Variants in MYLK4 observed in about 807,000 individuals in gnomAD.
MYLK4 encodes the protein caMLCK like.
Under a neutral mutation model 48.1 loss-of-function variants are expected in MYLK4, and 46 were observed. The ratio of observed to expected loss-of-function variants is 0.96; its 90% CI spans 0.75 to 1.22. The LOEUF is 1.22. MYLK4 is among the 50% of genes most tolerant of loss of function. The pLI is 0.00. For synonymous variants in MYLK4, 170 were observed against 180.8 expected (o/e 0.94, Z 0.48); for missense variants, 451 against 486.1 (o/e 0.93, Z 0.68).
chr6:2,684,792 G>A (rs1185256600), intron 6 of MYLK4, among the ~76,000 whole-genome samples: 1 of 152,190 alleles, frequency 6.6e-6, no homozygotes, highest in African/African-American at 2.4e-5. Flanking sequence ...AGGAACTTGA[G>A]TGTCCTCCGG....
intron 2 of MYLK4, among the ~76,000 whole-genome samples, chr6:2,701,562 C>T (rs1320094427): frequency 6.6e-6 from 1 of 152,196 alleles, no homozygotes; most frequent in Admixed American, 6.5e-5. Flanking sequence ...TGAAAAGCTA[C>T]CTCTGAAAAG....
intron 3 of MYLK4, among the ~76,000 whole-genome samples, chr6:2,690,205 GC>G (rs1392623500): frequency 6.6e-6 from 1 of 152,160 alleles, no homozygotes; most frequent in African/African-American, 2.4e-5. Context: ...CCCTGAGTCG[GC>G]CCCGGGAGCT....
At chr6:2,763,407 C>T in the MYLK4 span, among the ~76,000 whole-genome samples, 687 of 152,328 alleles carry the variant, frequency 4.5e-3, 15 homozygotes, top group East Asian at 0.044. Flanking sequence ...CTCAGGGAGG[C>T]TTGGGCCGCG....
chr6:2,765,346 C>CA, the MYLK4 span: 1 of 280,070 alleles, frequency 3.6e-6, no homozygotes, highest in Non-Finnish European at 6.5e-6. Flanking sequence ...CACTTACTTA[C>CA]ATGCCGCGCG....
At chr6:2,690,915 C>T (rs10458066) in intron 3 of MYLK4, among the ~76,000 whole-genome samples, 123,075 of 148,886 alleles carry the variant, frequency 0.83, 51,007 homozygotes, top group South Asian at 0.92. Flanking sequence ...CTGCAAGCTC[C>T]GCCTCCCGGA....
At chr6:2,741,234 T>A (rs1023330709) in intron 2 of MYLK4, among the ~76,000 whole-genome samples, 59 of 152,192 alleles carry the variant, frequency 3.9e-4, no homozygotes, top group African/African-American at 1.3e-3. Context: ...TTTAGGTAAG[T>A]GGATAGGATC....
At chr6:2,683,661 C>T (rs1761415515) in intron 6 of MYLK4, among the ~76,000 whole-genome samples, 1 of 152,150 alleles carries the variant, frequency 6.6e-6, no homozygotes, top group Non-Finnish European at 1.5e-5. Context: ...CCAAGTGATC[C>T]ACCAGCCTCG....
At chr6:2,769,324 A>G in the MYLK4 span, among the ~76,000 whole-genome samples, 2 of 152,164 alleles carry the variant, frequency 1.3e-5, no homozygotes, top group Admixed American at 1.3e-4. Flanking sequence ...GAATGTTGGA[A>G]GAGCTAATGA....
intron 3 of MYLK4, among the ~76,000 whole-genome samples, chr6:2,692,482 T>A (rs759839421): frequency 6.6e-5 from 10 of 152,104 alleles, no homozygotes; most frequent in African/African-American, 9.7e-5. Context: ...AGGTGATCAG[T>A]ATAATTTTGG....
intron 10 of MYLK4, among the ~76,000 whole-genome samples, chr6:2,677,891 T>C (rs1383135925): frequency 1.3e-5 from 2 of 152,188 alleles, no homozygotes; most frequent in African/African-American, 2.4e-5. Flanking sequence ...CACGGAACCA[T>C]ATACAGCTTA....
chr6:2,701,361 G>A (rs1487357915), intron 2 of MYLK4, among the ~76,000 whole-genome samples: 1 of 152,122 alleles, frequency 6.6e-6, no homozygotes, highest in Non-Finnish European at 1.5e-5. Flanking sequence ...TCCCTGCAGT[G>A]GGGCACGCCG....
At chr6:2,699,542 C>T (rs558956514) in intron 2 of MYLK4, among the ~76,000 whole-genome samples, 38 of 151,404 alleles carry the variant, frequency 2.5e-4, no homozygotes, top group East Asian at 9.7e-4. Context: ...CGTGATCCAC[C>T]TGCCTCGGCC....
chr6:2,698,130 C>G (rs1194330550), intron 2 of MYLK4, among the ~76,000 whole-genome samples: 1 of 152,106 alleles, frequency 6.6e-6, no homozygotes, highest in East Asian at 1.9e-4. Flanking sequence ...ATAGAGAATT[C>G]CTGGTTCTTT....
At chr6:2,760,984 C>A in the MYLK4 span, among the ~76,000 whole-genome samples, 107 of 152,164 alleles carry the variant, frequency 7.0e-4, no homozygotes, top group African/African-American at 2.5e-3. Context: ...CTAAAGATGG[C>A]AGGGATGTGA....
At chr6:2,768,503 A>G in the MYLK4 span, among the ~76,000 whole-genome samples, 1 of 152,190 alleles carries the variant, frequency 6.6e-6, no homozygotes, top group African/African-American at 2.4e-5. Flanking sequence ...TGTTTTATTT[A>G]TAATATTTTT....
intron 2 of MYLK4, among the ~76,000 whole-genome samples, chr6:2,694,512 G>GTGGTAGTGGTGGTAGT (rs1561845882): frequency 3.2e-5 from 1 of 31,576 alleles, no homozygotes. Flanking sequence ...GGTGGTGGTG[G>GTGGTAGTGGTGGTAGT]CGGTGGTGGT....
chr6:2,735,145 T>A (rs1053078647), intron 2 of MYLK4, among the ~76,000 whole-genome samples: 3 of 152,260 alleles, frequency 2.0e-5, no homozygotes, highest in African/African-American at 7.2e-5. Flanking sequence ...TTACAAACAA[T>A]TCTTCCCGTA....
intron 2 of MYLK4, among the ~76,000 whole-genome samples, chr6:2,724,966 C>G (rs1187547706): frequency 6.6e-6 from 1 of 152,152 alleles, no homozygotes; most frequent in Non-Finnish European, 1.5e-5. Context: ...GCCTGGCCAA[C>G]ATGATGAAAC....
intron 2 of MYLK4, among the ~76,000 whole-genome samples, chr6:2,723,164 A>G (rs1763129907): frequency 1.3e-5 from 2 of 152,158 alleles, no homozygotes; most frequent in South Asian, 4.1e-4. Context: ...ATGGTAGCGC[A>G]TGCCTGTAGT....
Sources: allele counts gnomAD v4.1 joint callset (sites outside exome capture counted in the v4.1 genomes callset), GRCh38; gene constraint gnomAD v4.1.1; transcripts MANE v1.5; gene names NCBI Gene and HGNC (gene_info 2026-07-23, HGNC 2026-07-21).